DNASE1: variants seen among roughly 807,000 people sequenced by gnomAD.
The protein encoded by DNASE1 is deoxyribonuclease-1.
In DNASE1, 40 loss-of-function variants were observed where a neutral mutation model predicts 33.9. That is an observed-to-expected ratio of 1.18 (90% confidence interval 0.92 to 1.54). The LOEUF is 1.54. DNASE1 is among the 40% of genes most tolerant of loss of function. DNASE1 has a pLI of 0.00. For synonymous variants in DNASE1, 216 were observed against 160.0 expected (o/e 1.35, Z -2.64); for missense variants, 518 against 372.6 (o/e 1.39, Z -3.21).
intron 1 of DNASE1, among the ~76,000 whole-genome samples, chr16:3,635,715 T>A (rs1228673616): frequency 6.6e-6 from 1 of 152,032 alleles, no homozygotes; most frequent in Non-Finnish European, 1.5e-5. Context: ...AGGGTTTTTT[T>A]TTTTTCCTTA....
chr16:3,655,413 G>C lies in DNASE1; in HGVS notation c.40G>C (p.Ala14Pro). ...GCTGCTGGGGGCGCTGCTGGCACTG[G>C]CGGCCCTACTGCAGGGGGCCGTGTC... ...MKLLGALLAL[A>P]ALLQGAVSLK... Residue 14 changes from alanine (A) to proline (P), a missense_variant, in exon 2 of 9, where the codon GCG (alanine) becomes CCG (proline). By Grantham distance (27) the Ala-to-Pro change is conservative. Transcript: ENST00000246949. 2 of 1,614,090 alleles carry C rather than the reference G, an allele frequency of 1.2e-6. No individual in the cohort carries two copies. Among genetic ancestry groups the C allele is most frequent in the Middle Eastern group, 1.6e-4 (1 of 6,062 alleles).
chr16:3,664,210 G>A (rs2050768744), exon 10 of DNASE1: 2 of 1,454,292 alleles, frequency 1.4e-6, no homozygotes, highest in Non-Finnish European at 1.8e-6. Context: ...GCACAGAGCT[G>A]AGAAGGTCAA....
chr16:3,650,497 A>G (rs2042299597), upstream of DNASE1: 1 of 152,022 alleles, frequency 6.6e-6, no homozygotes, highest in African/African-American at 2.4e-5. Context: ...AGTTTTCTTC[A>G]TCATTTATTA....
rs566155062 is a variant in DNASE1, at chr16:3,654,748, C to T, written c.-298C>T. 2.0e-5 allele frequency: 8 copies of T among 399,500 alleles called. No homozygotes were observed. Among genetic ancestry groups the T allele is most frequent in the African/African-American group, 1.4e-4 (7 of 48,748 alleles). The allele number at this position is 399,500 out of a possible 1,614,324, so 24.7% of individuals were successfully genotyped here. The stretch of plus-strand genomic sequence containing the variant: ...ACAGAAAGAAACACGTGCTAGCAAC[C>T]CACCTATGCGGAAAGCCACACAGAG... On this transcript the variant is annotated 5_prime_UTR_variant, in exon 1 of 9. Coordinates refer to ENST00000246949, the MANE Select transcript of DNASE1 (RefSeq NM_005223.4).
Position 3,655,056 on chromosome 16 carries a change from G to A in DNASE1, c.-2+12G>A. ...CACCATCATCTCAGGTGAGCACCAG[G>A]TGGAGTGCCTCTGGGTGACTGGCCG... is the stretch of plus-strand genomic sequence containing the variant. On this transcript the variant is annotated intron_variant, in intron 1 of 8. Coordinates refer to ENST00000246949, the MANE Select transcript of DNASE1 (RefSeq NM_005223.4). The A allele has an allele frequency of 3.4e-6, 2 of 579,774 alleles. No individual in the cohort carries two copies. The highest frequency in any genetic ancestry group is 6.1e-6 in the Non-Finnish European group (2 of 326,502). 35.9% of individuals were successfully genotyped at this position (579,774 alleles called of 1,614,324 possible).
chr16:3,658,797 TCCACCAGCAGCTGAG>T (rs749369506), downstream of DNASE1: 5 of 1,613,690 alleles, frequency 3.1e-6, no homozygotes, highest in South Asian at 3.3e-5. Context: ...ACTCACCTGA[TCCACCAGCAGCTGAG>T]CCAGGCCAGG....
At chr16:3,663,836 G>A (rs778364017) in exon 10 of DNASE1, 66 of 444,972 alleles carry the variant, frequency 1.5e-4, no homozygotes, top group Non-Finnish European at 2.2e-4. Context: ...CACTTTGGGA[G>A]GCCAAAGCAG....
intron 4 of DNASE1, 127 bp from the exon 5 acceptor site, chr16:3,656,511 A>G (rs1349729161): frequency 1.4e-6 from 1 of 693,060 alleles, no homozygotes; most frequent in Non-Finnish European, 2.6e-6. Flanking sequence ...TCCCGGACCA[A>G]TGGGTTGAGC....
intron 1 of DNASE1, among the ~76,000 whole-genome samples, chr16:3,631,720 G>C (rs1464603949): frequency 6.8e-6 from 1 of 146,412 alleles, no homozygotes; most frequent in African/African-American, 2.5e-5. Context: ...ATGGGGTTTT[G>C]CCGTGTTGGG....
upstream of DNASE1, among the ~76,000 whole-genome samples, chr16:3,640,441 C>T (rs1428670712): frequency 1.3e-5 from 2 of 152,204 alleles, no homozygotes; most frequent in Non-Finnish European, 2.9e-5. Context: ...CAGCCTGGAA[C>T]CCGCCTCCTG....
intron 1 of DNASE1, among the ~76,000 whole-genome samples, chr16:3,626,606 G>C (rs1023320670): frequency 2.0e-5 from 3 of 152,146 alleles, no homozygotes; most frequent in African/African-American, 7.2e-5. Context: ...ATATTTCTCT[G>C]TTGTTAGGTG....
upstream of DNASE1, chr16:3,652,279 G>T (rs765582786): frequency 5.3e-5 from 8 of 152,330 alleles, no homozygotes; most frequent in Admixed American, 1.3e-4. Flanking sequence ...CACTTGCTCT[G>T]TGAGCTATAA....
At chr16:3,638,572 T>C (rs2041943080), upstream of DNASE1, among the ~76,000 whole-genome samples, 1 of 152,224 alleles carries the variant, frequency 6.6e-6, no homozygotes, top group Non-Finnish European at 1.5e-5. Context: ...TCTCCTGACC[T>C]CGTGATCCGC....
intron 1 of DNASE1, among the ~76,000 whole-genome samples, chr16:3,630,996 G>A (rs2041678658): frequency 6.6e-6 from 1 of 151,878 alleles, no homozygotes; most frequent in South Asian, 2.1e-4. Flanking sequence ...TCATTTTGCT[G>A]TTTCTTTTCT....
At chr16:3,659,620 G>A (rs895308931), downstream of DNASE1, 13 of 152,118 alleles carry the variant, frequency 8.5e-5, no homozygotes, top group African/African-American at 3.1e-4. Context: ...AAAACCGAGG[G>A]CTCTGGGGAA....
In DNASE1 at chr16:3,657,049, G is replaced by A; in HGVS notation, c.487G>A (p.Val163Ile). ...CCTGCATGCGGCCCCGGGGGACGCA[G>A]TAGCCGAGATCGACGCTCTCTATGA... is the stretch of plus-strand genomic sequence containing the variant. ...VPLHAAPGDA[V>I]AEIDALYDVY... Residue 163 changes from valine (V) to isoleucine (I), a missense_variant, in exon 6 of 9, where the codon GTA becomes ATA. Val to Ile is a conservative substitution (Grantham distance 29, BLOSUM62 3). Transcript: ENST00000246949. 1 of 1,613,280 alleles carries A rather than the reference G, an allele frequency of 6.2e-7. No individual in the cohort carries two copies. Among genetic ancestry groups the A allele is most frequent in the Non-Finnish European group, 8.5e-7 (1 of 1,179,930 alleles).
In DNASE1 at chr16:3,658,027, C is replaced by T; in HGVS notation, c.*74C>T. On this transcript the variant is annotated 3_prime_UTR_variant, in exon 9 of 9. Transcript: ENST00000246949. ...TGCCACAGGACCCAGAAAAAAAGCC[C>T]AACACACACTCGGGTTAAGAAATAC... 1.2e-6 allele frequency: 2 copies of T among 1,610,036 alleles called. No homozygotes were observed. Among genetic ancestry groups the T allele is most frequent in the Non-Finnish European group, 1.7e-6 (2 of 1,177,684 alleles).
intron 1 of DNASE1, among the ~76,000 whole-genome samples, chr16:3,649,355 T>C (rs2042265216): frequency 6.6e-6 from 1 of 152,262 alleles, no homozygotes; most frequent in South Asian, 2.1e-4. Flanking sequence ...CCTTTGACTT[T>C]ATTTGCCTTT....
exon 10 of DNASE1, chr16:3,664,383 G>A (rs2050776435): frequency 6.2e-7 from 1 of 1,612,714 alleles, no homozygotes; most frequent in East Asian, 2.2e-5. Flanking sequence ...CATGCGGCTG[G>A]CGTATTCTGA....
Sources: allele counts gnomAD v4.1 joint callset (sites outside exome capture counted in the v4.1 genomes callset), GRCh38; gene constraint gnomAD v4.1.1; transcripts MANE v1.5; gene names NCBI Gene and HGNC (gene_info 2026-07-23, HGNC 2026-07-21).